SLC37A3: variants seen among roughly 807,000 people sequenced by gnomAD.
SLC37A3 encodes the protein solute carrier family 37 member 3.
SLC37A3 carries 51 observed loss-of-function variants against 67.1 expected under a neutral mutation model. The observed-to-expected ratio is 0.76, with a 90% CI of 0.61 to 0.96. The LOEUF is 0.96. SLC37A3 is among the 40% of genes least tolerant of loss of function. The pLI is 0.00. For synonymous variants in SLC37A3, 214 were observed against 231.4 expected, an observed-to-expected ratio of 0.92 and a Z score of 0.68; for missense variants, 508 against 603.0, an observed-to-expected ratio of 0.84 and a Z score of 1.65.
At position 140,343,780 on chromosome 7, in the gene SLC37A3, T is replaced by A. The variant is rs528785661; in HGVS notation, c.1175-217A>T. Reference sequence around the variant, plus strand: ...TTATGTGACACTCTAGTATATTTTGTAGAACCCAAAGATACAAAAATAGTG... The same window carrying A: ...TTATGTGACACTCTAGTATATTTTGAAGAACCCAAAGATACAAAAATAGTG... On this transcript the variant is annotated intron_variant, in intron 12 of 14. Transcript: ENST00000326232. The A allele has an allele frequency of 3.5e-5, 18 of 518,952 alleles. No homozygotes were observed. In the South Asian group the frequency reaches 3.9e-4, roughly 11 times the overall value. 32.1% of individuals were successfully genotyped at this position (518,952 alleles called of 1,614,324 possible).
intron 3 of SLC37A3, among the ~76,000 whole-genome samples, chr7:140,378,931 CA>C (rs1798138472): frequency 6.6e-6 from 1 of 151,646 alleles, no homozygotes; most frequent in Non-Finnish European, 1.5e-5. Flanking sequence ...CCTGTAATCC[CA>C]GCTACTCAGG....
In SLC37A3 at chr7:140,364,441, A is replaced by AT; in HGVS notation, c.341_342insA (p.Leu115SerfsTer92). 6.2e-7 allele frequency: 1 copy of AT among 1,614,098 alleles called. No individual in the cohort carries two copies. On this transcript the variant is annotated frameshift_variant, in exon 5 of 15. Coordinates refer to ENST00000326232, the MANE Select transcript of SLC37A3 (RefSeq NM_207113.3). LOFTEE classifies it high-confidence loss of function. ...CAGAAGAGCACATGCCAAAAGACAG[A>AT]ACCCATCGCAAATTCAACCGATCCC...
At chr7:140,346,672 G>A (rs1423090188) in intron 10 of SLC37A3, among the ~76,000 whole-genome samples, 1 of 152,206 alleles carries the variant, frequency 6.6e-6, no homozygotes, top group African/African-American at 2.4e-5. Context: ...GACCAAGGCT[G>A]GGGGACTGCT....
Position 140,345,719 on chromosome 7 carries a change from G to A in SLC37A3, c.1126+150C>T, listed in dbSNP as rs1045975038. 24 of 651,684 alleles carry A rather than the reference G, an allele frequency of 3.7e-5. No individual in the cohort carries two copies. In the Admixed American group the frequency reaches 5.0e-4, roughly 14 times the overall value. 40.4% of individuals were successfully genotyped at this position (651,684 alleles called of 1,614,324 possible). A position where few individuals can be genotyped will look rare whatever the true frequency, so the allele number is the denominator to read the frequency against. On this transcript the variant is annotated intron_variant, in intron 11 of 14. Transcript: ENST00000326232. ...AAACTATGTGATGACAGGTTTCCCAGGCATTCACAGGACAATGCAAAGGTG... is the reference window on the plus strand; with the variant it reads ...AAACTATGTGATGACAGGTTTCCCAAGCATTCACAGGACAATGCAAAGGTG...
chr7:140,392,483 C>G (rs933421416), intron 1 of SLC37A3, among the ~76,000 whole-genome samples: 3 of 152,182 alleles, frequency 2.0e-5, no homozygotes, highest in African/African-American at 4.8e-5. Flanking sequence ...ACCCTCTTCT[C>G]TCCATCCTCA....
At chr7:140,353,478 GAAAA>G (rs778750469) in intron 7 of SLC37A3, among the ~76,000 whole-genome samples, 1 of 140,246 alleles carries the variant, frequency 7.1e-6, no homozygotes, top group South Asian at 2.3e-4. Flanking sequence ...CTCTGTCTTG[GAAAA>G]AAAAAAAAGA....
intron 12 of SLC37A3, chr7:140,343,876 A>C: frequency 3.4e-6 from 1 of 293,122 alleles, no homozygotes; most frequent in Non-Finnish European, 6.5e-6. Context: ...TTGTCAAATA[A>C]ATTCTATTAC....
At position 140,346,014 on chromosome 7, in the gene SLC37A3, C is replaced by A. The variant is rs776658026; in HGVS notation, c.1025-44G>T. ...GCAATCAAAATCACTTCTAATTTAG[C>A]TCGCTCACCTGAGGCGTGCTCCCCA... On this transcript the variant is annotated intron_variant, in intron 10 of 14. Coordinates refer to ENST00000326232, the MANE Select transcript of SLC37A3 (RefSeq NM_207113.3). 10 of 1,428,648 alleles carry A rather than the reference C, an allele frequency of 7.0e-6. No individual in the cohort carries two copies. In the East Asian group the frequency reaches 2.3e-4, roughly 33 times the overall value. The allele number at this position is 1,428,648 out of a possible 1,614,324, so 88.5% of individuals were successfully genotyped here.
rs758931880 is a variant in SLC37A3, at chr7:140,337,285, A to T, written c.1391T>A (p.Met464Lys). The T allele has an allele frequency of 2.3e-5, 37 of 1,598,716 alleles. No individual in the cohort carries two copies. The highest frequency in any genetic ancestry group is 3.1e-5 in the Non-Finnish European group (36 of 1,173,884). ...WMWVFYFFIL[M>K]TSCTIVFISP... ...TTTTTTAAAGGGGCACACACTTACC[A>T]TGAGAATGAAAAAGTAGAAAACCCA... The change falls in exon 14 of 15, where the codon ATG (methionine) becomes AAG (lysine). Residue 464 changes from methionine to lysine, a missense_variant and splice_region_variant. Coordinates refer to ENST00000326232, the MANE Select transcript of SLC37A3 (RefSeq NM_207113.3).
intron 3 of SLC37A3, among the ~76,000 whole-genome samples, chr7:140,372,722 G>A (rs921435513): frequency 2.0e-5 from 3 of 151,976 alleles, no homozygotes; most frequent in African/African-American, 7.2e-5. Context: ...AATTAGCCAC[G>A]TGTGGTGGTG....
intron 5 of SLC37A3, among the ~76,000 whole-genome samples, chr7:140,362,682 G>C (rs1298124768): frequency 2.7e-5 from 2 of 73,486 alleles, no homozygotes; most frequent in Admixed American, 2.4e-4. Flanking sequence ...GTGGGGGGGG[G>C]GGTCAGCCCC....
At chr7:140,353,884 G>A (rs1796917284) in intron 7 of SLC37A3, among the ~76,000 whole-genome samples, 1 of 152,010 alleles carries the variant, frequency 6.6e-6, no homozygotes, top group African/African-American at 2.4e-5. Flanking sequence ...GCTAATTTTT[G>A]TATTTTTAGT....
chr7:140,385,797 T>A (rs933216199), intron 1 of SLC37A3, among the ~76,000 whole-genome samples: 1 of 152,170 alleles, frequency 6.6e-6, no homozygotes, highest in African/African-American at 2.4e-5. Context: ...ATTTATTTAT[T>A]TCTGAGACAG....
At chr7:140,393,901 T>C (rs1798816999) in intron 1 of SLC37A3, among the ~76,000 whole-genome samples, 1 of 152,214 alleles carries the variant, frequency 6.6e-6, no homozygotes, top group Non-Finnish European at 1.5e-5. Context: ...CCGGGCGCGA[T>C]GGCTCACACT....
chr7:140,343,696 T>C (rs563767106), intron 12 of SLC37A3, 133 bp from the exon 13 acceptor site: 12 of 866,164 alleles, frequency 1.4e-5, no homozygotes, highest in African/African-American at 6.8e-5. Context: ...AACCCCCAGA[T>C]AGTATCATTT....
At chr7:140,387,830 AT>A (rs1320985379) in intron 1 of SLC37A3, among the ~76,000 whole-genome samples, 2 of 99,976 alleles carry the variant, frequency 2.0e-5, no homozygotes, top group African/African-American at 7.5e-5. Flanking sequence ...TATTATATAT[AT>A]TATATATAAA....
chr7:140,385,666 A>T (rs567957094), intron 1 of SLC37A3, among the ~76,000 whole-genome samples: 8 of 152,306 alleles, frequency 5.3e-5, no homozygotes, highest in Non-Finnish European at 1.0e-4. Flanking sequence ...AACTACCAAG[A>T]CATTTGAGGC....
At chr7:140,357,356 C>T (rs1442550535) in intron 6 of SLC37A3, among the ~76,000 whole-genome samples, 4 of 152,200 alleles carry the variant, frequency 2.6e-5, no homozygotes, top group South Asian at 2.1e-4. Flanking sequence ...TATTTGTAAC[C>T]GCCCAAAACT....
intron 13 of SLC37A3, among the ~76,000 whole-genome samples, chr7:140,339,369 T>C (rs1478572244): frequency 6.6e-6 from 1 of 150,648 alleles, no homozygotes; most frequent in African/African-American, 2.4e-5. Flanking sequence ...CAAGCGATTA[T>C]CCTGCCTCAG....
Sources: allele counts gnomAD v4.1 joint callset (sites outside exome capture counted in the v4.1 genomes callset), GRCh38; gene constraint gnomAD v4.1.1; transcripts MANE v1.5; gene names NCBI Gene and HGNC (gene_info 2026-07-23, HGNC 2026-07-21).